Variants in CMTR1 observed in about 807,000 individuals in gnomAD.
The protein encoded by CMTR1 is cap methyltransferase 1.
Under a neutral mutation model 107.0 loss-of-function variants are expected in CMTR1, and 39 were observed. That is an observed-to-expected ratio of 0.36 (90% CI 0.28 to 0.48). The LOEUF (loss-of-function observed/expected upper bound fraction) is 0.48, where lower values mean the gene tolerates loss of function less well. CMTR1 is among the 20% of genes least tolerant of loss of function. The pLI, the probability that CMTR1 is intolerant of heterozygous loss-of-function variation, is 0.99. For missense variants in CMTR1, 672 were observed against 1,064.9 expected (o/e 0.63, Z 5.14); for synonymous variants, 366 against 379.5 (o/e 0.96, Z 0.41).
intron 23 of CMTR1, among the ~76,000 whole-genome samples, chr6:37,479,672 T>C (rs989046419): frequency 6.6e-6 from 1 of 152,228 alleles, no homozygotes; most frequent in African/African-American, 2.4e-5. Flanking sequence ...CTGTTGGTCA[T>C]AGGCTTCCCC....
chr6:37,455,862 C>T (rs1040585517), intron 8 of CMTR1, among the ~76,000 whole-genome samples: 5 of 152,190 alleles, frequency 3.3e-5, no homozygotes, highest in Non-Finnish European at 5.9e-5. Flanking sequence ...AGTCCTACAA[C>T]GGCCTGGAGA....
At chr6:37,462,135 A>G in intron 12 of CMTR1, 33 bp downstream of exon 12, 2 of 1,612,764 alleles carry the variant, frequency 1.2e-6, no homozygotes, top group Non-Finnish European at 1.7e-6. Context: ...AGCCAGATTA[A>G]TTGGCTAAAT....
At position 37,480,909 on chromosome 6, in the gene CMTR1, G is replaced by A. The variant is rs1761840763; in HGVS notation, c.*764G>A. 8.2e-7 allele frequency: 1 copy of A among 1,214,702 alleles called. No individual in the cohort carries two copies. The allele number at this position is 1,214,702 out of a possible 1,614,324, so 75.2% of individuals were successfully genotyped here. ...TTGGTCCAAACATTGGGCAGCGCTA[G>A]ATGGCAGGAAGCAGCCTTGAAGACC... On this transcript the variant is annotated 3_prime_UTR_variant, in exon 24 of 24. Transcript: ENST00000373451.
Position 37,474,555 on chromosome 6 carries a change from A to G in CMTR1, c.1853A>G (p.Gln618Arg). 1 of 1,614,032 alleles carries G rather than the reference A, an allele frequency of 6.2e-7. No individual in the cohort carries two copies. Among genetic ancestry groups the G allele is most frequent in the Admixed American group, 1.7e-5 (1 of 60,010 alleles). The part of the protein sequence containing the change: ...KSQIYTWDGR[Q>R]SDRWIKLDLK... Reference sequence around the variant, plus strand: ...CAGATCTACACATGGGATGGCCGCCAGTCAGACCGCTGGATCAAGCTAGAC... The same window carrying G: ...CAGATCTACACATGGGATGGCCGCCGGTCAGACCGCTGGATCAAGCTAGAC... The change falls in exon 18 of 24, where the codon CAG (glutamine) becomes CGG (arginine). Residue 618 changes from glutamine to arginine, a missense_variant. Physicochemically the swap from Gln to Arg is conservative, Grantham distance 43. Transcript: ENST00000373451.
chr6:37,475,641 T>C, intron 19 of CMTR1: 1 of 581,988 alleles, frequency 1.7e-6, no homozygotes, highest in South Asian at 2.0e-5. Context: ...ACCAGCACAC[T>C]CCATTTTGCC....
rs1447249573 is a variant in CMTR1 at position 37,474,556 on chromosome 6, G to C, written c.1854G>C (p.Gln618His). 1.9e-6 allele frequency: 3 copies of C among 1,613,936 alleles called. No homozygotes were observed. The highest frequency in any genetic ancestry group is 2.5e-6 in the Non-Finnish European group (3 of 1,179,980). Reference protein sequence around the residue: ...KSQIYTWDGRQSDRWIKLDLK... With the variant: ...KSQIYTWDGRHSDRWIKLDLK... The stretch of plus-strand genomic sequence containing the variant: ...AGATCTACACATGGGATGGCCGCCA[G>C]TCAGACCGCTGGATCAAGCTAGACC... The change falls in exon 18 of 24, where the codon CAG (glutamine) becomes CAC (histidine). Residue 618 changes from glutamine (Q) to histidine (H), a missense_variant. By Grantham distance (24) the Gln-to-His change is conservative. Around this residue, in one of 2 missense-constraint regions of CMTR1, gnomAD observed 583 missense variants for 968.4 expected, o/e 0.60. Coordinates refer to ENST00000373451, the MANE Select transcript of CMTR1 (RefSeq NM_015050.3).
intron 13 of CMTR1, among the ~76,000 whole-genome samples, chr6:37,468,713 G>A (rs1490247215): frequency 4.6e-5 from 7 of 150,622 alleles, no homozygotes; most frequent in East Asian, 3.9e-4. Flanking sequence ...GTGAAACCCC[G>A]TCTCTACAAA....
intron 20 of CMTR1, among the ~76,000 whole-genome samples, chr6:37,477,026 T>C (rs936295823): frequency 2.0e-5 from 3 of 152,296 alleles, no homozygotes; most frequent in South Asian, 4.1e-4. Context: ...GGTTGCTCGA[T>C]TTCTGGGAAC....
At chr6:37,445,074 C>G (rs900947506) in intron 3 of CMTR1, among the ~76,000 whole-genome samples, 16 of 152,118 alleles carry the variant, frequency 1.1e-4, no homozygotes. Flanking sequence ...CCTCCATTTT[C>G]TCTTAGATTC....
At chr6:37,469,125 A>C (rs1581749161) in intron 13 of CMTR1, among the ~76,000 whole-genome samples, 1 of 151,746 alleles carries the variant, frequency 6.6e-6, no homozygotes, top group Non-Finnish European at 1.5e-5. Flanking sequence ...ATAGAGTCAG[A>C]CTCTGTTTAA....
At chr6:37,474,473 A>T (rs777960333) in intron 17 of CMTR1, 51 bp from the exon 18 acceptor site, 1 of 1,605,092 alleles carries the variant, frequency 6.2e-7, no homozygotes, top group South Asian at 1.1e-5. Context: ...TAAGCCTCTT[A>T]TCCCTCGATC....
At position 37,446,714 on chromosome 6, in the gene CMTR1, TA is replaced by T. The variant is rs778659672; in HGVS notation, c.444+270del. ...GCTTGAAAGGCAGAGTTTGGCTCCA[TA>T]AAAACTTTAATAAATAGTTACAGCT... On this transcript the variant is annotated intron_variant, in intron 4 of 23. Transcript: ENST00000373451. 6.6e-5 allele frequency among the ~76,000 whole-genome samples: 10 copies of T among 152,290 alleles called. No individual in the cohort carries two copies. In the East Asian group the frequency reaches 1.5e-3, roughly 23 times the overall value.
intron 10 of CMTR1, among the ~76,000 whole-genome samples, chr6:37,460,161 C>T (rs939771029): frequency 1.3e-5 from 2 of 152,194 alleles, no homozygotes; most frequent in African/African-American, 2.4e-5. Context: ...CTGGAGTGAG[C>T]CACCACTTAC....
intron 23 of CMTR1, among the ~76,000 whole-genome samples, chr6:37,479,581 C>T (rs1384508514): frequency 6.6e-6 from 1 of 152,250 alleles, no homozygotes; most frequent in East Asian, 1.9e-4. Flanking sequence ...TGGTGGGAAC[C>T]TGCTGAGGGC....
intron 3 of CMTR1, 55 bp downstream of exon 3, chr6:37,444,205 G>C: frequency 6.3e-7 from 1 of 1,575,092 alleles, no homozygotes; most frequent in South Asian, 1.2e-5. Flanking sequence ...GTGAAAGAAG[G>C]GCAATTTGTA....
intron 2 of CMTR1, 45 bp from the exon 3 acceptor site, chr6:37,443,954 T>A (rs1305594216): frequency 6.2e-7 from 1 of 1,601,144 alleles, no homozygotes; most frequent in South Asian, 1.1e-5. Context: ...TGGAGGCTAT[T>A]TTGTGCCATA....
chr6:37,443,859 T>C (rs985510793), intron 2 of CMTR1, 140 bp from the exon 3 acceptor site: 1 of 886,958 alleles, frequency 1.1e-6, no homozygotes, highest in African/African-American at 1.7e-5. Flanking sequence ...AGGTAGAAAA[T>C]AGATTTGACC....
intron 19 of CMTR1, 175 bp from the exon 20 acceptor site, chr6:37,475,951 C>A: frequency 1.6e-6 from 1 of 620,386 alleles, no homozygotes; most frequent in Non-Finnish European, 2.9e-6. Context: ...TGAATAAAGA[C>A]GTCGGTGGAG....
At chr6:37,479,910 C>A in intron 23 of CMTR1, 103 bp from the exon 24 acceptor site, 1 of 1,180,380 alleles carries the variant, frequency 8.5e-7, no homozygotes, top group Non-Finnish European at 1.1e-6. Context: ...AGAACCTCAA[C>A]TAAAGTCATT....
Sources: allele counts gnomAD v4.1 joint callset (sites outside exome capture counted in the v4.1 genomes callset), GRCh38; gene constraint gnomAD v4.1.1; regional missense constraint gnomAD v4.1.1; transcripts MANE v1.5; gene names NCBI Gene and HGNC (gene_info 2026-07-23, HGNC 2026-07-21).